TBC1D12: variants seen among roughly 807,000 people sequenced by gnomAD.
TBC1D12 encodes the protein TBC1 domain family, member 12.
TBC1D12 carries 56 observed loss-of-function variants against 86.7 expected under a neutral mutation model. That is an observed-to-expected ratio of 0.65 (90% CI 0.52 to 0.81). The LOEUF is 0.81. TBC1D12 is among the 30% of genes least tolerant of loss of function. TBC1D12 has a pLI of 0.00. For synonymous variants in TBC1D12, 421 were observed against 411.7 expected (o/e 1.02, Z -0.27); for missense variants, 1,023 against 1,038.8 (o/e 0.98, Z 0.21).
intron 2 of TBC1D12, 127 bp downstream of exon 2, chr10:94,442,146 T>C (rs544884184): frequency 2.8e-6 from 3 of 1,083,988 alleles, no homozygotes; most frequent in South Asian, 2.0e-5. Flanking sequence ...AGATACAGAC[T>C]TTTGGGATTA....
chr10:94,496,626 T>C (rs2056324980), intron 4 of TBC1D12, among the ~76,000 whole-genome samples: 2 of 152,198 alleles, frequency 1.3e-5, no homozygotes, highest in Non-Finnish European at 2.9e-5. Flanking sequence ...AAATATGTGA[T>C]AAAGTAATCT....
intron 2 of TBC1D12, among the ~76,000 whole-genome samples, chr10:94,443,230 T>G (rs1260628515): frequency 2.0e-5 from 3 of 152,174 alleles, no homozygotes; most frequent in Non-Finnish European, 4.4e-5. Flanking sequence ...CCCCTCCCTT[T>G]CCCTTTTGAA....
chr10:94,459,476 G>A (rs1487680434), intron 2 of TBC1D12, among the ~76,000 whole-genome samples: 1 of 152,392 alleles, frequency 6.6e-6, no homozygotes, highest in Non-Finnish European at 1.5e-5. Context: ...CTGCCCGCCA[G>A]TACCGCGCTG....
chr10:94,481,118 A>T (rs2056072259), intron 3 of TBC1D12, among the ~76,000 whole-genome samples: 1 of 151,538 alleles, frequency 6.6e-6, no homozygotes, highest in East Asian at 1.9e-4. Flanking sequence ...CGTGCTGTAA[A>T]CATGTCCTGT....
chr10:94,506,931 A>G (rs1042981618), intron 6 of TBC1D12, among the ~76,000 whole-genome samples: 5 of 152,220 alleles, frequency 3.3e-5, no homozygotes, highest in South Asian at 2.1e-4. Flanking sequence ...TCCCTCAGAT[A>G]GTAAATGGCA....
intron 1 of TBC1D12, among the ~76,000 whole-genome samples, chr10:94,418,006 G>A (rs1238599659): frequency 6.6e-6 from 1 of 151,942 alleles, no homozygotes; most frequent in Non-Finnish European, 1.5e-5. Context: ...CGCCCACCTC[G>A]GTCTCCCAAA....
intron 3 of TBC1D12, among the ~76,000 whole-genome samples, chr10:94,478,606 G>A (rs2056029905): frequency 6.6e-6 from 1 of 152,096 alleles, no homozygotes; most frequent in Non-Finnish European, 1.5e-5. Flanking sequence ...TGCTATTTGG[G>A]GAGTCTCTTA....
At chr10:94,427,575 T>G (rs2134070187) in intron 1 of TBC1D12, among the ~76,000 whole-genome samples, 1 of 152,274 alleles carries the variant, frequency 6.6e-6, no homozygotes, top group South Asian at 2.1e-4. Flanking sequence ...CTCACATCTG[T>G]AATCCCAGCA....
chr10:94,442,034 A>G lies in TBC1D12; in HGVS notation c.1095+15A>G. On this transcript the variant is annotated intron_variant, in intron 2 of 12. Coordinates refer to ENST00000225235, the MANE Select transcript of TBC1D12 (RefSeq NM_015188.2). Reference sequence around the variant, plus strand: ...TCATTCAGCAGGTAAGTACTGACATAGCCATGTAGTTTACCCTAGCTTTTC... The same window carrying G: ...TCATTCAGCAGGTAAGTACTGACATGGCCATGTAGTTTACCCTAGCTTTTC... 6.3e-7 allele frequency: 1 copy of G among 1,593,830 alleles called. No individual in the cohort carries two copies.
chr10:94,454,191 A>G (rs1003431206), intron 2 of TBC1D12, among the ~76,000 whole-genome samples: 2 of 152,160 alleles, frequency 1.3e-5, no homozygotes, highest in African/African-American at 4.8e-5. Context: ...CTATAGATCA[A>G]GTTGAGAAAA....
At chr10:94,510,253 G>GAATAGC (rs1388417004) in intron 8 of TBC1D12, 74 bp downstream of exon 8, 1 of 1,069,386 alleles carries the variant, frequency 9.4e-7, no homozygotes, top group Non-Finnish European at 1.3e-6. Flanking sequence ...TTCTTTAAAT[G>GAATAGC]AATAGCTATT....
intron 2 of TBC1D12, among the ~76,000 whole-genome samples, chr10:94,464,013 T>C (rs764504526): frequency 6.6e-6 from 1 of 152,160 alleles, no homozygotes; most frequent in Non-Finnish European, 1.5e-5. Context: ...GATATGTCCT[T>C]TTTGCTTTGG....
chr10:94,463,559 C>A (rs921550868), intron 2 of TBC1D12, among the ~76,000 whole-genome samples: 1 of 152,236 alleles, frequency 6.6e-6, no homozygotes, highest in Non-Finnish European at 1.5e-5. Flanking sequence ...AAGGCTCCCC[C>A]ACCCCTGCCC....
chr10:94,416,952 T>C (rs1470648036), intron 1 of TBC1D12, among the ~76,000 whole-genome samples: 2 of 152,126 alleles, frequency 1.3e-5, no homozygotes, highest in Non-Finnish European at 2.9e-5. Context: ...CTAGGGTGCA[T>C]GAGGTATGTG....
intron 9 of TBC1D12, among the ~76,000 whole-genome samples, chr10:94,517,695 T>C (rs1429593492): frequency 6.6e-6 from 1 of 152,194 alleles, no homozygotes; most frequent in South Asian, 2.1e-4. Flanking sequence ...GTGTAGACTA[T>C]ATTGGAATAC....
At chr10:94,515,186 C>T (rs539252758) in intron 9 of TBC1D12, among the ~76,000 whole-genome samples, 1 of 151,792 alleles carries the variant, frequency 6.6e-6, no homozygotes, top group East Asian at 2.0e-4. Context: ...GGATTACAGG[C>T]GTGAGCCACC....
intron 1 of TBC1D12, among the ~76,000 whole-genome samples, chr10:94,432,616 A>C (rs1178458851): frequency 3.3e-5 from 5 of 152,124 alleles, no homozygotes; most frequent in Admixed American, 2.6e-4. Flanking sequence ...TATTTCTTTT[A>C]TGGAAATTTC....
intron 1 of TBC1D12, 54 bp downstream of exon 1, chr10:94,403,638 C>T: frequency 7.1e-7 from 1 of 1,401,708 alleles, no homozygotes; most frequent in Non-Finnish European, 9.2e-7. Flanking sequence ...GGGCCGGAGC[C>T]GGGGTCTTGG....
At chr10:94,530,115 C>A (rs143552651) in intron 11 of TBC1D12, among the ~76,000 whole-genome samples, 1 of 152,008 alleles carries the variant, frequency 6.6e-6, no homozygotes, top group African/African-American at 2.4e-5. Context: ...CTTTTAGTTC[C>A]CTTCCTCAAA....
Sources: allele counts gnomAD v4.1 joint callset (sites outside exome capture counted in the v4.1 genomes callset), GRCh38; gene constraint gnomAD v4.1.1; transcripts MANE v1.5; gene names NCBI Gene and HGNC (gene_info 2026-07-23, HGNC 2026-07-21).